Variants in CPSF4L observed in about 807,000 individuals in gnomAD.
CPSF4L encodes putative cleavage and polyadenylation specificity factor subunit 4-like protein.
Under a neutral mutation model 24.0 loss-of-function variants are expected in CPSF4L, and 18 were observed. The observed-to-expected ratio is 0.75, with a 90% confidence interval of 0.52 to 1.11. CPSF4L has a LOEUF of 1.11. Ranked by LOEUF, CPSF4L falls within the 50% of genes least tolerant of loss-of-function variation. The pLI is 0.00. For missense variants in CPSF4L, 211 were observed against 221.8 expected (o/e 0.95, Z 0.31); for synonymous variants, 72 against 77.2 (o/e 0.93, Z 0.35).
chr17:73,252,789 A>G, intron 4 of CPSF4L, 66 bp from the exon 5 acceptor site: 1 of 1,134,878 alleles, frequency 8.8e-7, no homozygotes, highest in South Asian at 1.5e-5. Context: ...ACACATGAAA[A>G]AGCTCCCTAG....
chr17:73,253,240 A>G (rs2062012208), intron 4 of CPSF4L, among the ~76,000 whole-genome samples: 1 of 152,122 alleles, frequency 6.6e-6, no homozygotes, highest in Admixed American at 6.6e-5. Context: ...CACACCTGTA[A>G]CCCCAGCTAC....
intron 2 of CPSF4L, 67 bp downstream of exon 2, chr17:73,260,866 G>T: frequency 7.4e-7 from 1 of 1,359,678 alleles, no homozygotes; most frequent in East Asian, 2.5e-5. Flanking sequence ...CAGAGCCCCT[G>T]CTGGGTGTAG....
intron 5 of CPSF4L, among the ~76,000 whole-genome samples, chr17:73,249,135 C>A (rs776801880): frequency 6.6e-6 from 1 of 152,018 alleles, no homozygotes; most frequent in Non-Finnish European, 1.5e-5. Context: ...GTGTTAATTC[C>A]AGCAACGTCT....
chr17:73,248,318 A>G, downstream of CPSF4L: 1 of 620,654 alleles, frequency 1.6e-6, no homozygotes, highest in South Asian at 2.0e-5. Flanking sequence ...AGGCGGGGTA[A>G]CTACTCATCT....
downstream of CPSF4L, chr17:73,247,465 C>T (rs1017854965): frequency 1.7e-5 from 15 of 893,704 alleles, no homozygotes; most frequent in Middle Eastern, 2.3e-4. Flanking sequence ...AGCTTTTCAG[C>T]CCTCAAGGTT....
intron 2 of CPSF4L, among the ~76,000 whole-genome samples, chr17:73,260,479 C>T (rs2062041023): frequency 6.6e-6 from 1 of 152,126 alleles, no homozygotes; most frequent in Non-Finnish European, 1.5e-5. Flanking sequence ...TAAAATTCTG[C>T]TCCATGGCCG....
At chr17:73,251,324 C>T (rs549854219) in intron 5 of CPSF4L, among the ~76,000 whole-genome samples, 2 of 152,276 alleles carry the variant, frequency 1.3e-5, no homozygotes, top group Admixed American at 6.5e-5. Context: ...CACAGATCGC[C>T]TCCCACCTTC....
downstream of CPSF4L, chr17:73,248,373 T>C (rs2061981086): frequency 5.5e-6 from 5 of 903,238 alleles, no homozygotes; most frequent in Middle Eastern, 2.2e-4. Flanking sequence ...TAACATGATT[T>C]ACCATTTTAA....
At chr17:73,243,147 T>C in the CPSF4L span, 1 of 714,450 alleles carries the variant, frequency 1.4e-6, no homozygotes, top group Non-Finnish European at 2.5e-6. Context: ...AGCTATTGCC[T>C]GGGGTTTCTG....
rs761655112 is a variant in CPSF4L at position 73,254,736 on chromosome 17, C to T, written c.308-710G>A. 2.0e-4 allele frequency among the ~76,000 whole-genome samples: 30 copies of T among 152,120 alleles called. No homozygotes were observed. The East Asian group carries it at 4.0e-3, about 21-fold the overall frequency. On this transcript the variant is annotated intron_variant, in intron 3 of 5. Transcript: ENST00000344935. ...TTAGCTCACTGCAACCTCCGCCTCC[C>T]GGGTTCAAGCAATTCTCCTGCTTCA...
chr17:73,243,548 CT>C (rs111267869), downstream of CPSF4L, among the ~76,000 whole-genome samples: 3,329 of 134,988 alleles, frequency 0.025, 119 homozygotes, highest in African/African-American at 0.081. Context: ...TTCATGTTGT[CT>C]TTTTTTTTTT....
At chr17:73,250,577 C>T (rs1568330686) in intron 5 of CPSF4L, among the ~76,000 whole-genome samples, 1 of 152,190 alleles carries the variant, frequency 6.6e-6, no homozygotes, top group Non-Finnish European at 1.5e-5. Flanking sequence ...GACTGCAAAG[C>T]TCAGGACAGT....
intron 3 of CPSF4L, among the ~76,000 whole-genome samples, chr17:73,254,245 A>G (rs1291747202): frequency 6.6e-6 from 1 of 152,250 alleles, no homozygotes; most frequent in African/African-American, 2.4e-5. Context: ...GTCTGAATAT[A>G]CACCTCTGGA....
downstream of CPSF4L, chr17:73,245,460 A>G (rs2061937286): frequency 8.8e-7 from 1 of 1,134,286 alleles, no homozygotes; most frequent in Non-Finnish European, 1.1e-6. Flanking sequence ...TTGTTTAACC[A>G]TAAAGTTGTT....
intron 3 of CPSF4L, among the ~76,000 whole-genome samples, chr17:73,256,906 A>T (rs1188453024): frequency 6.6e-6 from 1 of 152,214 alleles, no homozygotes; most frequent in East Asian, 1.9e-4. Context: ...GGGTACCTGT[A>T]ATCCCAGCTA....
At position 73,257,787 on chromosome 17, in the gene CPSF4L, T is replaced by G. The variant is rs1262316850; in HGVS notation, c.201A>C (p.Val67=). The G allele has an allele frequency of 2.6e-6, 4 of 1,551,618 alleles. No individual in the cohort carries two copies. Among genetic ancestry groups the G allele is most frequent in the Non-Finnish European group, 3.5e-6 (4 of 1,146,964 alleles). The change falls in exon 3 of 6, where the codon GTA becomes GTC. Residue 67 remains valine (V), a synonymous_variant. Transcript: ENST00000344935. ...FRHDRGEKMV[V]CKHWLRGLCK... is the part of the protein sequence containing the mutation. ...AGAGCCCCCGGAGCCAGTGCTTGCA[T>G]ACCACCATCTTCTCCCCTCGGTCAT...
chr17:73,259,756 AC>A (rs1285690671), intron 2 of CPSF4L, among the ~76,000 whole-genome samples: 1 of 152,216 alleles, frequency 6.6e-6, no homozygotes, highest in Non-Finnish European at 1.5e-5. Context: ...AGGTGGGCGA[AC>A]ATGGCCCCAG....
At chr17:73,252,049 G>T (rs2062007991) in intron 5 of CPSF4L, among the ~76,000 whole-genome samples, 2 of 152,248 alleles carry the variant, frequency 1.3e-5, no homozygotes, top group African/African-American at 4.8e-5. Flanking sequence ...GAGAGTGAGG[G>T]TTCGCTGGGA....
Position 73,257,715 on chromosome 17 carries a change from G to A in CPSF4L, c.273C>T (p.Thr91=), listed in dbSNP as rs1168171038. Reference sequence around the variant, plus strand: ...AGTAGAAGTAGCACTCAGGCATCCTGGTGAGGTCATACTGGTGCAGGAACT... The same window carrying A: ...AGTAGAAGTAGCACTCAGGCATCCTAGTGAGGTCATACTGGTGCAGGAACT... The part of the protein sequence containing the change: ...HCKFLHQYDL[T]RMPECYFYSK... The change falls in exon 3 of 6, where the codon ACC becomes ACT. Residue 91 remains threonine (T), a synonymous_variant. Transcript: ENST00000344935. 6.4e-7 allele frequency: 1 copy of A among 1,551,714 alleles called. No individual in the cohort carries two copies. Among genetic ancestry groups the A allele is most frequent in the Non-Finnish European group, 8.7e-7 (1 of 1,147,000 alleles).
Sources: allele counts gnomAD v4.1 joint callset (sites outside exome capture counted in the v4.1 genomes callset), GRCh38; gene constraint gnomAD v4.1.1; transcripts MANE v1.5; gene names NCBI Gene and HGNC (gene_info 2026-07-23, HGNC 2026-07-21).